RIMS1: variants seen among roughly 807,000 people sequenced by gnomAD.
RIMS1 encodes the protein regulating synaptic membrane exocytosis 1.
Under a neutral mutation model 214.1 loss-of-function variants are expected in RIMS1, and 83 were observed. The observed-to-expected ratio is 0.39, with a 90% CI of 0.32 to 0.47. The LOEUF is 0.47. Ranked by LOEUF, RIMS1 falls within the 20% of genes least tolerant of loss-of-function variation. The pLI is 0.99. For synonymous variants in RIMS1, 793 were observed against 786.8 expected (o/e 1.01, Z -0.13); for missense variants, 2,050 against 2,161.8 (o/e 0.95, Z 1.03).
rs191142311 is a variant in RIMS1 at position 72,002,421 on chromosome 6, A to G, written c.245+33358A>G. On this transcript the variant is annotated intron_variant, in intron 2 of 33. Coordinates refer to ENST00000521978, the MANE Select transcript of RIMS1 (RefSeq NM_014989.7). ...ATACCCCAGAAGTCTGGAAAAGGGG[A>G]AAAAAAAGGTTCAAAATAGCATCCT... Among the ~76,000 whole-genome samples the G allele has an allele frequency of 7.5e-3, 1,135 of 151,870 alleles. 16 individuals carry two copies. The highest frequency in any genetic ancestry group is 0.025 in the African/African-American group (1,022 of 41,396).
chr6:72,336,568 C>G (rs1011822346), intron 29 of RIMS1, among the ~76,000 whole-genome samples: 4 of 151,692 alleles, frequency 2.6e-5, no homozygotes, highest in Non-Finnish European at 4.4e-5. Flanking sequence ...CAAAGTGACT[C>G]AACGAATGAA....
intron 2 of RIMS1, among the ~76,000 whole-genome samples, chr6:72,009,793 G>T (rs1352628642): frequency 6.6e-6 from 1 of 152,146 alleles, no homozygotes; most frequent in Non-Finnish European, 1.5e-5. Flanking sequence ...TTGAATCTCT[G>T]AATAGACCAA....
intron 2 of RIMS1, among the ~76,000 whole-genome samples, chr6:72,010,503 T>TA (rs991720586): frequency 9.2e-5 from 14 of 152,122 alleles, no homozygotes; most frequent in African/African-American, 2.9e-4. Context: ...GAGAAGGAAA[T>TA]AAAGGGTATT....
chr6:72,382,918 G>A (rs2154425043), intron 29 of RIMS1, among the ~76,000 whole-genome samples: 1 of 152,274 alleles, frequency 6.6e-6, no homozygotes, highest in South Asian at 2.1e-4. Context: ...AATACTGTCT[G>A]CTTTTACACA....
intron 1 of RIMS1, among the ~76,000 whole-genome samples, chr6:71,944,331 A>C (rs1787113998): frequency 6.6e-6 from 1 of 152,214 alleles, no homozygotes; most frequent in Admixed American, 6.5e-5. Context: ...TAAGCATAGA[A>C]TTGTGTAGAG....
chr6:72,110,755 G>T (rs542992595), intron 4 of RIMS1, among the ~76,000 whole-genome samples: 77 of 152,186 alleles, frequency 5.1e-4, no homozygotes, highest in African/African-American at 1.5e-3. Context: ...TAGGAGTGGT[G>T]AGAGAGGGCA....
chr6:71,962,900 A>T (rs989809264), intron 1 of RIMS1, among the ~76,000 whole-genome samples: 1 of 152,096 alleles, frequency 6.6e-6, no homozygotes, highest in African/African-American at 2.4e-5. Context: ...TTCACATTTC[A>T]TAGTATTCCA....
intron 2 of RIMS1, among the ~76,000 whole-genome samples, chr6:72,009,268 G>T (rs1195804123): frequency 6.6e-6 from 1 of 152,268 alleles, no homozygotes; most frequent in East Asian, 1.9e-4. Flanking sequence ...GATGTTCTTT[G>T]AAACCAACAA....
chr6:72,229,144 C>T (rs1204351838), intron 6 of RIMS1, among the ~76,000 whole-genome samples: 1 of 151,734 alleles, frequency 6.6e-6, no homozygotes, highest in East Asian at 1.9e-4. Flanking sequence ...GAAGAGGCCT[C>T]TAGCCCTGCT....
chr6:72,326,431 T>C (rs1202382851), intron 28 of RIMS1, among the ~76,000 whole-genome samples: 2 of 151,916 alleles, frequency 1.3e-5, no homozygotes, highest in African/African-American at 4.8e-5. Flanking sequence ...CTTCTGTATC[T>C]ATAAGTAACA....
chr6:72,353,051 C>G (rs374621728), intron 29 of RIMS1, among the ~76,000 whole-genome samples: 3 of 125,912 alleles, frequency 2.4e-5, no homozygotes, highest in Admixed American at 1.1e-4. Flanking sequence ...AGTGCAATGG[C>G]GAGATCTCGG....
chr6:72,306,900 C>G (rs921423097), intron 26 of RIMS1, among the ~76,000 whole-genome samples: 1 of 152,052 alleles, frequency 6.6e-6, no homozygotes, highest in Admixed American at 6.6e-5. Context: ...CTTGTTTTCT[C>G]TATATATGTA....
At chr6:72,027,585 A>G (rs551573393) in intron 2 of RIMS1, among the ~76,000 whole-genome samples, 1 of 152,236 alleles carries the variant, frequency 6.6e-6, no homozygotes, top group South Asian at 2.1e-4. Context: ...GAAATGAACT[A>G]AAGGAATACT....
At chr6:72,232,142 T>A (rs2062224426) in intron 6 of RIMS1, among the ~76,000 whole-genome samples, 1 of 151,686 alleles carries the variant, frequency 6.6e-6, no homozygotes, top group Non-Finnish European at 1.5e-5. Flanking sequence ...ATAATTTTCT[T>A]TCTCTTCAAA....
chr6:72,135,546 T>C (rs1044407069), intron 4 of RIMS1, among the ~76,000 whole-genome samples: 7 of 152,108 alleles, frequency 4.6e-5, no homozygotes, highest in African/African-American at 1.7e-4. Flanking sequence ...AGAATGGGCA[T>C]CGGTGTCTGA....
intron 28 of RIMS1, among the ~76,000 whole-genome samples, chr6:72,318,145 T>G (rs1447099023): frequency 6.6e-6 from 1 of 152,170 alleles, no homozygotes; most frequent in African/African-American, 2.4e-5. Flanking sequence ...AATAGCTAGG[T>G]TTAATTTTTT....
chr6:72,054,134 G>A (rs571032280), intron 2 of RIMS1, among the ~76,000 whole-genome samples: 1 of 151,092 alleles, frequency 6.6e-6, no homozygotes, highest in Non-Finnish European at 1.5e-5. Flanking sequence ...TTGTCCATTC[G>A]TTCTCATTGT....
chr6:71,934,813 TG>T (rs537974512), intron 1 of RIMS1, among the ~76,000 whole-genome samples: 91 of 152,338 alleles, frequency 6.0e-4, no homozygotes, highest in Middle Eastern at 6.8e-3. Context: ...GTGCGATTAT[TG>T]GAGCGCTCTG....
intron 26 of RIMS1, among the ~76,000 whole-genome samples, chr6:72,306,807 G>A (rs2095214003): frequency 6.6e-6 from 1 of 152,148 alleles, no homozygotes; most frequent in Non-Finnish European, 1.5e-5. Flanking sequence ...ATTTTTAGGT[G>A]ACTACTGTTA....
Sources: allele counts gnomAD v4.1 joint callset (sites outside exome capture counted in the v4.1 genomes callset), GRCh38; gene constraint gnomAD v4.1.1; transcripts MANE v1.5; gene names NCBI Gene and HGNC (gene_info 2026-07-23, HGNC 2026-07-21).